DNM3: variants seen among roughly 807,000 people sequenced by gnomAD.
DNM3 encodes dynamin 3.
DNM3 carries 47 observed loss-of-function variants against 101.6 expected under a neutral mutation model. The observed-to-expected ratio is 0.46, with a 90% CI of 0.37 to 0.59. DNM3 has a LOEUF of 0.59. Ranked by LOEUF, DNM3 falls within the 20% of genes least tolerant of loss-of-function variation. The pLI is 0.00. For synonymous variants in DNM3, 385 were observed against 387.9 expected (o/e 0.99, Z 0.09); for missense variants, 849 against 1,085.7 (o/e 0.78, Z 3.06).
Position 172,412,506 on chromosome 1 carries a change from T to C in DNM3, c.*4665T>C. 1 of 985,850 alleles carries C rather than the reference T, an allele frequency of 1.0e-6. No individual in the cohort carries two copies. Among genetic ancestry groups the C allele is most frequent in the Non-Finnish European group, 1.2e-6 (1 of 829,904 alleles). 61.1% of individuals were successfully genotyped at this position (985,850 alleles called of 1,614,324 possible). A position where few individuals can be genotyped will look rare whatever the true frequency, so the allele number is the denominator to read the frequency against. ...AATATACAGAAGTAAAATCTTGTCTTCTCTGCTGATTCTTTAATTAATATG... is the reference window on the plus strand; with the variant it reads ...AATATACAGAAGTAAAATCTTGTCTCCTCTGCTGATTCTTTAATTAATATG... On this transcript the variant is annotated 3_prime_UTR_variant, in exon 21 of 21. Transcript: ENST00000627582.
intron 2 of DNM3, among the ~76,000 whole-genome samples, chr1:171,937,763 G>GT (rs11461958): frequency 0.48 from 73,399 of 151,736 alleles, 18,197 homozygotes; most frequent in Non-Finnish European, 0.55. Context: ...ACAGAGATGG[G>GT]TTTCAGCATG....
downstream of DNM3, among the ~76,000 whole-genome samples, chr1:172,416,156 G>A (rs2071419012): frequency 6.6e-6 from 1 of 152,162 alleles, no homozygotes. Context: ...AGGATGGTGA[G>A]CTTAAGAATT....
rs2062903872 is a variant in DNM3, at chr1:172,267,357, T to TA, written c.1769+13678dup. Among the ~76,000 whole-genome samples, 3 of 152,186 alleles carry TA rather than the reference T, an allele frequency of 2.0e-5. No homozygotes were observed. The South Asian group carries it at 6.2e-4, about 32-fold the overall frequency. ...GCCAATTGCTAATATAAGGCATTCT[T>TA]AAAGTAAGTAAGCTCTAGAAGCCTA... On this transcript the variant is annotated intron_variant, in intron 15 of 20. Transcript: ENST00000627582.
At chr1:172,289,242 G>C (rs1470087079) in intron 15 of DNM3, among the ~76,000 whole-genome samples, 1 of 151,912 alleles carries the variant, frequency 6.6e-6, no homozygotes, top group East Asian at 1.9e-4. Context: ...TAGGGAAAAA[G>C]GTATATAAAA....
chr1:172,308,749 C>T lies in DNM3; in HGVS notation c.1791C>T (p.Arg597=), dbSNP rs766923299. The stretch of plus-strand genomic sequence containing the variant: ...CCAGGAATGTATACAAAGACTATCG[C>T]TTCCTTGAGCTGGCATGTGATTCCC... The part of the protein sequence containing the change: ...TEQRNVYKDY[R]FLELACDSQE... The change falls in exon 16 of 21, where the codon CGC becomes CGT. Residue 597 remains arginine, a synonymous_variant. Transcript: ENST00000627582. The T allele has an allele frequency of 3.8e-5, 60 of 1,598,814 alleles. No individual in the cohort carries two copies. Among genetic ancestry groups the T allele is most frequent in the Non-Finnish European group, 4.7e-5 (55 of 1,174,416 alleles).
At chr1:172,223,780 G>A (rs558981513) in intron 14 of DNM3, among the ~76,000 whole-genome samples, 2 of 152,214 alleles carry the variant, frequency 1.3e-5, no homozygotes, top group East Asian at 1.9e-4. Context: ...TATTGTAAGA[G>A]CTTCGTACTT....
chr1:171,945,551 T>A (rs2042118567), intron 2 of DNM3, among the ~76,000 whole-genome samples: 1 of 152,158 alleles, frequency 6.6e-6, no homozygotes, highest in Non-Finnish European at 1.5e-5. Context: ...TTACATATCC[T>A]CATTCAACAA....
intron 12 of DNM3, among the ~76,000 whole-genome samples, chr1:172,090,928 A>G (rs16843820): frequency 0.023 from 3,478 of 152,294 alleles, 100 homozygotes; most frequent in East Asian, 0.13. Context: ...AAACTATTAA[A>G]CAATCTGTAA....
chr1:172,298,825 GA>G, intron 15 of DNM3, among the ~76,000 whole-genome samples: 1 of 144,150 alleles, frequency 6.9e-6, no homozygotes, highest in South Asian at 2.2e-4. Context: ...AAGAGAGAAA[GA>G]AAAAAAGGAA....
At chr1:171,903,897 T>C (rs1251917868) in intron 1 of DNM3, among the ~76,000 whole-genome samples, 1 of 152,210 alleles carries the variant, frequency 6.6e-6, no homozygotes, top group Non-Finnish European at 1.5e-5. Context: ...GAGCTAGAAT[T>C]CATTCTCTAC....
At chr1:171,927,736 A>T (rs1458405110) in intron 2 of DNM3, among the ~76,000 whole-genome samples, 1 of 152,184 alleles carries the variant, frequency 6.6e-6, no homozygotes, top group Non-Finnish European at 1.5e-5. Context: ...AGCTGGCTAT[A>T]TTGTCCGTTA....
At position 172,166,216 on chromosome 1, in the gene DNM3, T is replaced by C. The variant is rs114240109; in HGVS notation, c.1659+34928T>C. Among the ~76,000 whole-genome samples the C allele has an allele frequency of 7.1e-3, 1,085 of 152,206 alleles. 15 individuals carry two copies. Among genetic ancestry groups the C allele is most frequent in the African/African-American group, 0.025 (1,034 of 41,544 alleles). On this transcript the variant is annotated intron_variant, in intron 14 of 20. Coordinates refer to ENST00000627582, the MANE Select transcript of DNM3 (RefSeq NM_015569.5). ...AATGTAGAAATGCTCAATATATGTG[T>C]GCTGAATGAGAAACTGCAGCTGAAA...
chr1:172,038,568 T>C, intron 7 of DNM3, 107 bp downstream of exon 7: 1 of 1,361,738 alleles, frequency 7.3e-7, no homozygotes, highest in Non-Finnish European at 1.0e-6. Context: ...AAGTAAACTA[T>C]ATGAGGCTAT....
At chr1:172,132,293 T>C (rs2056981523) in intron 14 of DNM3, among the ~76,000 whole-genome samples, 1 of 152,178 alleles carries the variant, frequency 6.6e-6, no homozygotes, top group Non-Finnish European at 1.5e-5. Context: ...TCTCAGGAGA[T>C]CTGTGTGTAA....
At chr1:172,036,978 A>G (rs1314289542) in intron 6 of DNM3, among the ~76,000 whole-genome samples, 1 of 141,118 alleles carries the variant, frequency 7.1e-6, no homozygotes, top group African/African-American at 2.5e-5. Flanking sequence ...AAAAGTGGGC[A>G]AAGGACATGA....
chr1:172,021,956 G>A (rs929601544), intron 4 of DNM3, among the ~76,000 whole-genome samples: 2 of 152,148 alleles, frequency 1.3e-5, no homozygotes, highest in Admixed American at 6.5e-5. Context: ...CTGGAATTCT[G>A]TACTTGCCAG....
chr1:172,035,204 A>G (rs935468882), intron 6 of DNM3, among the ~76,000 whole-genome samples: 1 of 152,138 alleles, frequency 6.6e-6, no homozygotes, highest in African/African-American at 2.4e-5. Flanking sequence ...TTATGAAGTC[A>G]CCAAGATGGG....
chr1:172,213,517 CAAAAAAAAAAA>C (rs57339395), intron 14 of DNM3, among the ~76,000 whole-genome samples: 1 of 79,392 alleles, frequency 1.3e-5, no homozygotes. Context: ...TCCATTGTTA[CAAAAAAAAAAA>C]AAAAAAAAAA....
chr1:171,984,593 G>A (rs1049562249), intron 2 of DNM3, among the ~76,000 whole-genome samples: 5 of 152,048 alleles, frequency 3.3e-5, no homozygotes, highest in African/African-American at 1.2e-4. Flanking sequence ...ACATAACCAA[G>A]CAACCCCTTT....
Sources: allele counts gnomAD v4.1 joint callset (sites outside exome capture counted in the v4.1 genomes callset), GRCh38; gene constraint gnomAD v4.1.1; transcripts MANE v1.5; gene names NCBI Gene and HGNC (gene_info 2026-07-23, HGNC 2026-07-21).